Variants in CSMD1 observed in about 807,000 individuals in gnomAD.
CSMD1 encodes CUB and sushi domain-containing protein 1.
In CSMD1, 213 loss-of-function variants were observed where a neutral mutation model predicts 417.5. The observed-to-expected ratio is 0.51, with a 90% CI of 0.46 to 0.57. The LOEUF is 0.57. Among genes scored for constraint, CSMD1 ranks in the 20% least tolerant of loss-of-function variants. The pLI, the probability that CSMD1 is intolerant of heterozygous loss-of-function variation, is 0.00. For synonymous variants in CSMD1, 2,862 were observed against 1,736.8 expected (o/e 1.65, Z -16.11); for missense variants, 6,923 against 4,529.7 (o/e 1.53, Z -15.17).
At chr8:4,925,778 A>G (rs1254976400) in intron 1 of CSMD1, among the ~76,000 whole-genome samples, 1 of 150,088 alleles carries the variant, frequency 6.7e-6, no homozygotes, top group Non-Finnish European at 1.5e-5. Context: ...CAAACTCCTG[A>G]CCTCGTGATC....
At chr8:4,041,591 C>T (rs1479937316) in intron 3 of CSMD1, among the ~76,000 whole-genome samples, 1 of 151,910 alleles carries the variant, frequency 6.6e-6, no homozygotes, top group East Asian at 1.9e-4. Context: ...CTCTGGCATC[C>T]AATCAAAAAG....
chr8:3,344,917 G>A (rs1277361273), intron 22 of CSMD1, among the ~76,000 whole-genome samples: 3 of 152,146 alleles, frequency 2.0e-5, no homozygotes, highest in Admixed American at 6.5e-5. Context: ...TATTGACCCA[G>A]GTCATTGTGT....
intron 3 of CSMD1, among the ~76,000 whole-genome samples, chr8:4,041,638 G>A (rs567285043): frequency 2.6e-5 from 4 of 152,156 alleles, no homozygotes; most frequent in East Asian, 1.9e-4. Context: ...ATATCCATAA[G>A]AAGAAGAAAA....
intron 2 of CSMD1, among the ~76,000 whole-genome samples, chr8:4,605,486 C>T (rs147193121): frequency 2.6e-4 from 40 of 152,230 alleles, no homozygotes; most frequent in African/African-American, 7.5e-4. Context: ...CCTTTATGCC[C>T]GACTGCCAAT....
chr8:4,637,454 T>G lies in CSMD1; in HGVS notation c.190A>C (p.Thr64Pro). 2 of 1,613,724 alleles carry G rather than the reference T, an allele frequency of 1.2e-6. No homozygotes were observed. The highest frequency in any genetic ancestry group is 1.7e-6 in the Non-Finnish European group (2 of 1,179,854). ...AACTGTATCCTATTGCGCTCGCCCGTGATGATGATCCAGGTGCAGTTGGCA... is the reference window on the plus strand; with the variant it reads ...AACTGTATCCTATTGCGCTCGCCCGGGATGATGATCCAGGTGCAGTTGGCA... ...NYANCTWIII[T>P]GERNRIQLSF... Residue 64 changes from threonine to proline, a missense_variant, in exon 2 of 70, where the codon ACG becomes CCG. Physicochemically the swap from Thr to Pro is conservative, Grantham distance 38. Transcript: ENST00000635120.
At chr8:4,414,185 T>A (rs1339115940) in intron 3 of CSMD1, among the ~76,000 whole-genome samples, 3 of 152,180 alleles carry the variant, frequency 2.0e-5, no homozygotes, top group Non-Finnish European at 4.4e-5. Flanking sequence ...ATCTAGCTGC[T>A]CTTTCTAAAT....
At chr8:3,743,965 G>C (rs1023856777) in intron 6 of CSMD1, among the ~76,000 whole-genome samples, 2 of 152,136 alleles carry the variant, frequency 1.3e-5, no homozygotes, top group Admixed American at 6.6e-5. Context: ...ACAGAGGCAT[G>C]AATGATTATC....
At chr8:4,385,175 GT>G (rs1563118238) in intron 3 of CSMD1, among the ~76,000 whole-genome samples, 5 of 150,304 alleles carry the variant, frequency 3.3e-5, no homozygotes, top group African/African-American at 1.2e-4. Flanking sequence ...GATCCTCCCC[GT>G]CTCGGCGTCT....
At chr8:4,323,262 G>C (rs1459830387) in intron 3 of CSMD1, among the ~76,000 whole-genome samples, 1 of 152,134 alleles carries the variant, frequency 6.6e-6, no homozygotes, top group South Asian at 2.1e-4. Context: ...TTGCTTAAAC[G>C]GAAGTTCTGT....
intron 1 of CSMD1, among the ~76,000 whole-genome samples, chr8:4,791,846 C>CT (rs935848089): frequency 6.6e-6 from 1 of 152,014 alleles, no homozygotes; most frequent in East Asian, 1.9e-4. Context: ...AACAGATATA[C>CT]TTTTTTTCAA....
Position 4,720,243 on chromosome 8 carries a change from T to C in CSMD1, c.86-82685A>G, listed in dbSNP as rs370064315. 1.8e-3 allele frequency among the ~76,000 whole-genome samples: 272 copies of C among 151,960 alleles called. 9 individuals carry two copies. The South Asian group carries it at 0.048, about 27-fold the overall frequency. On this transcript the variant is annotated intron_variant, in intron 1 of 69. Transcript: ENST00000635120. ...TCTTAGTAATAATATATAAAGGGAA[T>C]GTATCATTTTTGGAAAAGTTGGAAA... is the stretch of plus-strand genomic sequence containing the variant.
At chr8:3,764,751 T>C (rs867908099) in intron 5 of CSMD1, among the ~76,000 whole-genome samples, 1 of 148,346 alleles carries the variant, frequency 6.7e-6, no homozygotes, top group African/African-American at 2.5e-5. Flanking sequence ...TTTTTTTTTT[T>C]TTTTTTTTAT....
At chr8:4,942,782 T>C (rs1442822912) in intron 1 of CSMD1, among the ~76,000 whole-genome samples, 7 of 152,222 alleles carry the variant, frequency 4.6e-5, no homozygotes, top group African/African-American at 1.7e-4. Context: ...ATGATGTAGC[T>C]AGGGAATTGG....
chr8:4,073,453 A>T (rs1159968323), intron 3 of CSMD1, among the ~76,000 whole-genome samples: 4 of 152,140 alleles, frequency 2.6e-5, no homozygotes, highest in Admixed American at 6.5e-5. Flanking sequence ...CGACTGTCTT[A>T]CTTAGATTCT....
chr8:3,843,112 G>C (rs1171822462), intron 5 of CSMD1, among the ~76,000 whole-genome samples: 5 of 152,076 alleles, frequency 3.3e-5, no homozygotes, highest in Admixed American at 2.6e-4. Context: ...TCTTTAGAGA[G>C]TTTGAATAAA....
intron 2 of CSMD1, among the ~76,000 whole-genome samples, chr8:4,621,154 G>A (rs939058699): frequency 2.6e-5 from 4 of 151,854 alleles, no homozygotes; most frequent in African/African-American, 4.8e-5. Flanking sequence ...TTCTTTTTTC[G>A]AATTTTGGAA....
intron 5 of CSMD1, among the ~76,000 whole-genome samples, chr8:3,798,547 T>C (rs1011940037): frequency 6.6e-6 from 1 of 152,058 alleles, no homozygotes; most frequent in Non-Finnish European, 1.5e-5. Flanking sequence ...ATGAAAACAC[T>C]TTTCCAGAGT....
At chr8:4,402,800 CTTTTTTTTTTTTTTTT>C (rs60965667) in intron 3 of CSMD1, among the ~76,000 whole-genome samples, 3 of 89,370 alleles carry the variant, frequency 3.4e-5, no homozygotes, top group African/African-American at 1.1e-4. Context: ...TCACTTTTTT[CTTTTTTTTTTTTTTTT>C]TTTTCTTTTT....
intron 3 of CSMD1, among the ~76,000 whole-genome samples, chr8:4,311,903 C>T (rs1406392719): frequency 3.3e-5 from 5 of 151,856 alleles, no homozygotes; most frequent in African/African-American, 7.3e-5. Context: ...ATGCAACGAA[C>T]CCCCATGACA....
Sources: gnomAD v4.1 joint callset for allele counts (sites outside exome capture counted in the v4.1 genomes callset) on GRCh38, gnomAD v4.1.1 for gene constraint, MANE v1.5 for transcripts, NCBI Gene and HGNC (gene_info 2026-07-23, HGNC 2026-07-21) for gene names.